The following ELMO1 variants were observed in gnomAD, a reference collection of about 807,000 sequenced individuals.
ELMO1 encodes the protein engulfment and cell motility 1, also known as engulfment and cell motility protein 1.
Under a neutral mutation model 98.9 loss-of-function variants are expected in ELMO1, and 26 were observed. The ratio of observed to expected loss-of-function variants is 0.26; its 90% CI spans 0.19 to 0.36. The LOEUF is 0.36. Ranked by LOEUF, ELMO1 falls within the 10% of genes least tolerant of loss-of-function variation. ELMO1 has a pLI of 1.00. For synonymous variants in ELMO1, 346 were observed against 346.0 expected (o/e 1.00, Z 0.00); for missense variants, 627 against 935.2 (o/e 0.67, Z 4.30).
rs762425596 is a variant in ELMO1, at chr7:37,048,230, CAA to C, written c.1301-34797_1301-34796del. Among the ~76,000 whole-genome samples the C allele has an allele frequency of 2.1e-3, 315 of 152,322 alleles. 1 individual carries two copies. The highest frequency in any genetic ancestry group is 2.2e-3 in the Non-Finnish European group (153 of 68,030). On this transcript the variant is annotated intron_variant, in intron 15 of 21. Transcript: ENST00000310758. Reference sequence around the variant, plus strand: ...TAGCACCCCCACAAGTTGGGACAACCAAAAGTGTCTCCAGACACTGCCAAATG... The same window carrying C: ...TAGCACCCCCACAAGTTGGGACAACCAAGTGTCTCCAGACACTGCCAAATG...
chr7:37,294,585 C>T (rs1797935927), intron 4 of ELMO1, among the ~76,000 whole-genome samples: 1 of 152,168 alleles, frequency 6.6e-6, no homozygotes, highest in African/African-American at 2.4e-5. Flanking sequence ...TTTTAAACAG[C>T]CCCACACAAA....
intron 1 of ELMO1, among the ~76,000 whole-genome samples, chr7:37,386,395 T>TC (rs939971782): frequency 1.5e-4 from 23 of 151,520 alleles, no homozygotes; most frequent in Admixed American, 1.1e-3. Context: ...AGCCCAGGTC[T>TC]CCAGTCTGTC....
At chr7:36,954,046 C>T (rs1311840489) in intron 16 of ELMO1, among the ~76,000 whole-genome samples, 1 of 152,184 alleles carries the variant, frequency 6.6e-6, no homozygotes, top group Non-Finnish European at 1.5e-5. Flanking sequence ...TGGACCCTTG[C>T]TCTGATTCCT....
At position 37,259,298 on chromosome 7, in the gene ELMO1, G is replaced by A. The variant is rs1421455055; in HGVS notation, c.296C>T (p.Ala99Val). ...CAAGTCCTTCAGGGCTTCCAGCTTG[G>A]CATCCATACTCGAGGACTGGATTCG... Reference protein sequence around the residue: ...HERIQSSSMDAKLEALKDLAS... With the variant: ...HERIQSSSMDVKLEALKDLAS... The change falls in exon 6 of 22, where the codon GCC (alanine) becomes GTC (valine). Residue 99 changes from alanine to valine, a missense_variant. This residue lies in a region of ELMO1 where 123 missense variants were observed against 171.2 expected (regional missense o/e 0.72). Transcript: ENST00000310758. The A allele has an allele frequency of 1.9e-6, 3 of 1,614,126 alleles. No individual in the cohort carries two copies. The Admixed American group carries it at 5.0e-5, about 27-fold the overall frequency.
chr7:37,228,748 A>G (rs1794004217), intron 8 of ELMO1, among the ~76,000 whole-genome samples: 1 of 152,190 alleles, frequency 6.6e-6, no homozygotes, highest in South Asian at 2.1e-4. Context: ...CACACCTGTA[A>G]TCCCAGAACT....
intron 4 of ELMO1, among the ~76,000 whole-genome samples, chr7:37,295,498 C>A (rs1351238657): frequency 6.6e-6 from 1 of 152,202 alleles, no homozygotes; most frequent in African/African-American, 2.4e-5. Context: ...TTTCTTACAT[C>A]TATGCTTTAC....
At chr7:37,380,626 C>T (rs1261533256) in intron 1 of ELMO1, among the ~76,000 whole-genome samples, 6 of 152,214 alleles carry the variant, frequency 3.9e-5, no homozygotes, top group Admixed American at 3.9e-4. Context: ...AAAGTCACCA[C>T]AAACACTGAA....
intron 1 of ELMO1, among the ~76,000 whole-genome samples, chr7:37,370,462 T>C (rs1317741887): frequency 6.6e-6 from 1 of 152,140 alleles, no homozygotes; most frequent in Non-Finnish European, 1.5e-5. Context: ...GTTATAAAGG[T>C]GTGGGCTATG....
At chr7:37,151,572 A>T (rs553365500) in intron 13 of ELMO1, among the ~76,000 whole-genome samples, 3 of 152,292 alleles carry the variant, frequency 2.0e-5, no homozygotes, top group African/African-American at 7.2e-5. Context: ...ACGTACAAAA[A>T]TGTAATGTTA....
intron 1 of ELMO1, chr7:37,351,295 G>C (rs533623812): frequency 1.3e-5 from 2 of 152,358 alleles, no homozygotes; most frequent in African/African-American, 4.8e-5. Flanking sequence ...ATCCAACCTA[G>C]TATAAATATC....
chr7:37,278,113 C>CTTTTTTTTTTT (rs36110041), intron 4 of ELMO1, among the ~76,000 whole-genome samples: 1 of 85,606 alleles, frequency 1.2e-5, no homozygotes, highest in Non-Finnish European at 2.1e-5. Flanking sequence ...ATAGCTTTTC[C>CTTTTTTTTTTT]TTTTTTTTTT....
chr7:37,172,308 TA>T (rs35800288), intron 13 of ELMO1, among the ~76,000 whole-genome samples: 92,889 of 147,078 alleles, frequency 0.63, 30,801 homozygotes, highest in Non-Finnish European at 0.75. Flanking sequence ...GTGCTTACAT[TA>T]AAAAAAAAAA....
intron 16 of ELMO1, among the ~76,000 whole-genome samples, chr7:36,906,055 C>T (rs779940287): frequency 2.6e-5 from 4 of 152,176 alleles, no homozygotes; most frequent in Admixed American, 6.5e-5. Context: ...CAAGCAAGAC[C>T]ACAGGGGAAA....
intron 1 of ELMO1, among the ~76,000 whole-genome samples, chr7:37,387,930 C>CA (rs1277411359): frequency 5.9e-5 from 9 of 152,148 alleles, no homozygotes; most frequent in African/African-American, 2.2e-4. Flanking sequence ...CCCCTGGGCT[C>CA]AATAGTTCCT....
At chr7:37,316,524 G>T (rs971962681) in intron 2 of ELMO1, among the ~76,000 whole-genome samples, 2 of 152,236 alleles carry the variant, frequency 1.3e-5, no homozygotes, top group East Asian at 1.9e-4. Flanking sequence ...CCAGTAATGC[G>T]ACCATGACAC....
chr7:37,236,088 A>G (rs1794444519), intron 7 of ELMO1, among the ~76,000 whole-genome samples: 1 of 152,228 alleles, frequency 6.6e-6, no homozygotes, highest in Admixed American at 6.5e-5. Flanking sequence ...ATATGAAAGC[A>G]ATATGACTCT....
chr7:37,060,927 G>A (rs1796637076), intron 15 of ELMO1, among the ~76,000 whole-genome samples: 2 of 150,128 alleles, frequency 1.3e-5, no homozygotes, highest in African/African-American at 5.1e-5. Context: ...TCTGTCCACA[G>A]AGGCTCCTAC....
intron 6 of ELMO1, among the ~76,000 whole-genome samples, chr7:37,248,933 G>A (rs755448396): frequency 5.9e-5 from 9 of 152,198 alleles, no homozygotes; most frequent in Admixed American, 4.6e-4. Flanking sequence ...GCAAAATTCC[G>A]GAAAAGGTCA....
intron 6 of ELMO1, among the ~76,000 whole-genome samples, chr7:37,248,133 G>A (rs1462789870): frequency 2.0e-5 from 3 of 149,834 alleles, no homozygotes; most frequent in Non-Finnish European, 3.0e-5. Context: ...TTCAGATTAT[G>A]CATAAGGAGA....
Sources: allele counts gnomAD v4.1 joint callset (sites outside exome capture counted in the v4.1 genomes callset), GRCh38; gene constraint gnomAD v4.1.1; regional missense constraint gnomAD v4.1.1; transcripts MANE v1.5; gene names NCBI Gene and HGNC (gene_info 2026-07-23, HGNC 2026-07-21).